The following REEP5 variants were observed in gnomAD, a reference collection of about 807,000 sequenced individuals.
REEP5 encodes the protein receptor expression-enhancing protein 5.
REEP5 carries 24 observed loss-of-function variants against 22.4 expected under a neutral mutation model. The observed-to-expected ratio is 1.07, with a 90% CI of 0.78 to 1.51. The LOEUF is 1.51. Ranked by LOEUF, REEP5 falls within the 40% of genes most tolerant of loss-of-function variation. The pLI, the probability that REEP5 is intolerant of heterozygous loss-of-function variation, is 0.00. For missense variants in REEP5, 252 were observed against 233.0 expected (o/e 1.08, Z -0.53); for synonymous variants, 103 against 88.6 (o/e 1.16, Z -0.92).
intron 1 of REEP5, chr5:112,921,551 G>A: frequency 4.4e-6 from 2 of 453,226 alleles, no homozygotes; most frequent in African/African-American, 2.0e-5. Context: ...ACCCGCTTCC[G>A]CCCTCTCGCA....
intron 3 of REEP5, chr5:112,892,830 TG>T (rs1379822547): frequency 1.2e-6 from 2 of 1,612,672 alleles, no homozygotes; most frequent in Non-Finnish European, 1.7e-6. Flanking sequence ...ACAAAAGAAA[TG>T]GGGAATCCGA....
intron 3 of REEP5, chr5:112,891,853 G>A (rs1251947244): frequency 1.3e-6 from 2 of 1,525,012 alleles, no homozygotes; most frequent in African/African-American, 2.7e-5. Flanking sequence ...ATTGGAAAGA[G>A]AGAGGGAAAG....
intron 2 of REEP5, among the ~76,000 whole-genome samples, chr5:112,912,838 A>G (rs1769135446): frequency 6.6e-6 from 1 of 152,218 alleles, no homozygotes; most frequent in Non-Finnish European, 1.5e-5. Context: ...CAGACATTTT[A>G]AGACATAAAC....
intron 2 of REEP5, among the ~76,000 whole-genome samples, chr5:112,915,205 A>G (rs153564): frequency 0.31 from 47,201 of 151,806 alleles, 7,854 homozygotes; most frequent in South Asian, 0.38. Flanking sequence ...CAGGGCCTTC[A>G]TAAAGAGAAA....
intron 4 of REEP5, chr5:112,885,155 G>T: frequency 5.9e-6 from 1 of 170,146 alleles, no homozygotes; most frequent in Admixed American, 6.4e-5. Flanking sequence ...GCTAGGCCCT[G>T]CTGCTCATGG....
chr5:112,891,509 T>A, intron 3 of REEP5: 1 of 1,282,502 alleles, frequency 7.8e-7, no homozygotes, highest in Non-Finnish European at 1.1e-6. Flanking sequence ...TATATAAGTA[T>A]GCAAACAAAA....
intron 2 of REEP5, among the ~76,000 whole-genome samples, chr5:112,916,721 G>A (rs895748509): frequency 1.3e-5 from 2 of 152,128 alleles, no homozygotes; most frequent in Non-Finnish European, 2.9e-5. Context: ...GTAGCATAAC[G>A]TAATCATTAA....
At chr5:112,879,537 G>A (rs767768979) in intron 4 of REEP5, among the ~76,000 whole-genome samples, 5 of 152,098 alleles carry the variant, frequency 3.3e-5, no homozygotes, top group Non-Finnish European at 7.4e-5. Context: ...GCAGTGGCGC[G>A]ATCTCGGCTC....
intron 4 of REEP5, among the ~76,000 whole-genome samples, chr5:112,884,651 G>A (rs1046526911): frequency 6.6e-6 from 1 of 152,028 alleles, no homozygotes; most frequent in Non-Finnish European, 1.5e-5. Flanking sequence ...CTCCCAAAAT[G>A]TTGGGATTAC....
intron 4 of REEP5, 114 bp from the exon 5 acceptor site, chr5:112,878,949 T>C (rs957989310): frequency 5.9e-6 from 9 of 1,516,254 alleles, no homozygotes; most frequent in African/African-American, 5.5e-5. Context: ...GGATGACTCA[T>C]GTTCAGGTGC....
In REEP5 at chr5:112,892,405, G is replaced by C. The variant is rs770476023; in HGVS notation, c.352-5222C>G. The C allele has an allele frequency of 2.5e-6, 4 of 1,614,102 alleles. No individual in the cohort carries two copies. In the Admixed American group the frequency reaches 6.7e-5, roughly 27 times the overall value. On this transcript the variant is annotated intron_variant, in intron 3 of 4. Transcript: ENST00000379638. ...TGTGTTGCCCGAGTTCAAGAACGTG[G>C]GGAAAGTGATTCAGTTCAAGGTCAG...
At chr5:112,906,092 A>G (rs1339022491) in intron 2 of REEP5, among the ~76,000 whole-genome samples, 1 of 152,228 alleles carries the variant, frequency 6.6e-6, no homozygotes, top group Non-Finnish European at 1.5e-5. Flanking sequence ...AAACCATAAG[A>G]TATGCTCTAT....
Position 112,921,178 on chromosome 5 carries a change from T to G in REEP5, c.197A>C (p.Tyr66Ser), listed in dbSNP as rs1267815184. 1 of 1,613,738 alleles carries G rather than the reference T, an allele frequency of 6.2e-7. No homozygotes were observed. The highest frequency in any genetic ancestry group is 1.7e-5 in the Admixed American group (1 of 59,970). ...SLLCNLIGFG[Y>S]PAYISIKAIE... is the part of the protein sequence containing the mutation. ...TGTCACTTACGAGATGTAGGCTGGG[T>G]AGCCAAATCCTATCAGGTTGCAGAG... The change falls in exon 2 of 5, where the codon TAC becomes TCC. Residue 66 changes from tyrosine (Y) to serine (S), a missense_variant. By Grantham distance (144) the Tyr-to-Ser change is moderately radical (BLOSUM62 -2). Coordinates refer to ENST00000379638, the MANE Select transcript of REEP5 (RefSeq NM_005669.5).
intron 3 of REEP5, among the ~76,000 whole-genome samples, chr5:112,891,203 G>A (rs1331283477): frequency 6.6e-6 from 1 of 152,086 alleles, no homozygotes; most frequent in Non-Finnish European, 1.5e-5. Context: ...CTCCCAAGTA[G>A]CTGGGATTAC....
At position 112,897,789 on chromosome 5, in the gene REEP5, TG is replaced by T. The variant is rs1442970617; in HGVS notation, c.351+4590del. The T allele has an allele frequency of 4.6e-5, 7 of 152,250 alleles. No individual in the cohort carries two copies. The East Asian group carries it at 1.3e-3, about 29-fold the overall frequency. The allele number at this position is 152,250 out of a possible 1,614,324, so 9.4% of individuals were successfully genotyped here. On this transcript the variant is annotated intron_variant, in intron 3 of 4. Coordinates refer to ENST00000379638, the MANE Select transcript of REEP5 (RefSeq NM_005669.5). ...AAACATGTCCTCGGGCTGGGAGCAGTGGCTCACACCTGTAATCCCAGCATTT... is the reference window on the plus strand; with the variant it reads ...AAACATGTCCTCGGGCTGGGAGCAGTGCTCACACCTGTAATCCCAGCATTT...
chr5:112,908,612 G>A (rs1769019560), intron 2 of REEP5, among the ~76,000 whole-genome samples: 1 of 151,864 alleles, frequency 6.6e-6, no homozygotes, highest in Admixed American at 6.6e-5. Flanking sequence ...TGCAAGCTCT[G>A]CCTCCCGGGT....
At chr5:112,912,864 T>C (rs537436972) in intron 2 of REEP5, among the ~76,000 whole-genome samples, 46 of 152,288 alleles carry the variant, frequency 3.0e-4, no homozygotes, top group Non-Finnish European at 2.2e-4. Flanking sequence ...TTCGTTTCCA[T>C]GCCAATAAGG....
At chr5:112,901,740 G>T (rs1224161249) in intron 3 of REEP5, among the ~76,000 whole-genome samples, 1 of 149,876 alleles carries the variant, frequency 6.7e-6, no homozygotes, top group Middle Eastern at 3.2e-3. Flanking sequence ...GTCAGATTGA[G>T]AAATCTCCCA....
intron 2 of REEP5, among the ~76,000 whole-genome samples, chr5:112,914,152 C>T (rs1444823067): frequency 1.3e-5 from 2 of 151,262 alleles, no homozygotes; most frequent in South Asian, 2.1e-4. Context: ...AAAAAAAACA[C>T]ACTCAAAAAA....
Sources: gnomAD v4.1 joint callset for allele counts (sites outside exome capture counted in the v4.1 genomes callset) on GRCh38, gnomAD v4.1.1 for gene constraint, MANE v1.5 for transcripts, NCBI Gene and HGNC (gene_info 2026-07-23, HGNC 2026-07-21) for gene names.